The following DPYSL2 variants were observed in gnomAD, a reference collection of about 807,000 sequenced individuals.
DPYSL2 encodes dihydropyrimidinase like 2.
DPYSL2 carries 13 observed loss-of-function variants against 69.9 expected under a neutral mutation model. The observed-to-expected ratio is 0.19, with a 90% CI of 0.12 to 0.30. DPYSL2 has a LOEUF of 0.30. DPYSL2 is among the 10% of genes least tolerant of loss of function. The pLI is 1.00. For missense variants in DPYSL2, 587 were observed against 918.9 expected, an observed-to-expected ratio of 0.64 and a Z score of 4.67; for synonymous variants, 326 against 359.1, an observed-to-expected ratio of 0.91 and a Z score of 1.04.
rs1229778181 is a variant in DPYSL2, at chr8:26,619,701, G to A, written c.629-4442G>A. The A allele has an allele frequency of 6.6e-6, 1 of 152,250 alleles. No homozygotes were observed. Among genetic ancestry groups the A allele is most frequent in the Non-Finnish European group, 1.5e-5 (1 of 68,088 alleles). 9.4% of individuals were successfully genotyped at this position (152,250 alleles called of 1,614,324 possible). On this transcript the variant is annotated intron_variant, in intron 3 of 13. Coordinates refer to ENST00000521913, the MANE Select transcript of DPYSL2 (RefSeq NM_001197293.3). The surrounding 1 kb of genome is among the most constrained non-coding windows in gnomAD (Gnocchi z 4.8). ...TGCAGCGTCAGAAACTCTGGGGTAA[G>A]GTCTGGGAACCTGTGTTTTATTTTT...
intron 3 of DPYSL2, among the ~76,000 whole-genome samples, chr8:26,606,194 T>C (rs1802103738): frequency 6.6e-6 from 1 of 152,202 alleles, no homozygotes; most frequent in African/African-American, 2.4e-5. Context: ...CATTTCACAC[T>C]CATGGTAAAA....
chr8:26,622,898 G>A (rs1336295625), intron 3 of DPYSL2, among the ~76,000 whole-genome samples: 1 of 152,202 alleles, frequency 6.6e-6, no homozygotes, highest in Non-Finnish European at 1.5e-5. Flanking sequence ...TCTTAGCTCA[G>A]AACTGCTTAC....
chr8:26,636,010 A>G (rs967389778), intron 8 of DPYSL2, among the ~76,000 whole-genome samples: 2 of 152,040 alleles, frequency 1.3e-5, no homozygotes, highest in African/African-American at 2.4e-5. Context: ...TGACTGAGTC[A>G]TCTTGTCCCA....
intron 3 of DPYSL2, among the ~76,000 whole-genome samples, chr8:26,618,899 A>G (rs144222402): frequency 0.06 from 9,076 of 152,080 alleles, 295 homozygotes; most frequent in East Asian, 0.09. Flanking sequence ...CGGAGGTTGC[A>G]GTGAGCTGAG....
rs1302073558 is a variant in DPYSL2 at position 26,580,813 on chromosome 8, A to G, written c.355-1156A>G. On this transcript the variant is annotated intron_variant, in intron 1 of 13. Transcript: ENST00000521913. This position sits in a 1 kb window ranked among gnomAD's most constrained non-coding sequence, Gnocchi z 4.1. The stretch of plus-strand genomic sequence containing the variant: ...AGGGCAATGTATGGTTCAGCTTGCC[A>G]GGTTTAAGCCCATTCTGTATAATAC... Among the ~76,000 whole-genome samples, 1 of 152,218 alleles carries G rather than the reference A, an allele frequency of 6.6e-6. No individual in the cohort carries two copies. The highest frequency in any genetic ancestry group is 1.9e-4 in the East Asian group (1 of 5,198).
At chr8:26,515,014 G>T (rs1033004424) in intron 1 of DPYSL2, among the ~76,000 whole-genome samples, 1 of 152,218 alleles carries the variant, frequency 6.6e-6, no homozygotes, top group Admixed American at 6.5e-5. Context: ...AAACCCTCCC[G>T]GGCGGCTTCC....
intron 3 of DPYSL2, among the ~76,000 whole-genome samples, chr8:26,611,460 T>C (rs890581287): frequency 2.6e-5 from 4 of 152,164 alleles, no homozygotes; most frequent in Non-Finnish European, 4.4e-5. Flanking sequence ...AAGTCACTTC[T>C]TGGGACTTTG....
intron 1 of DPYSL2, among the ~76,000 whole-genome samples, chr8:26,525,978 C>T (rs1397696004): frequency 6.6e-6 from 1 of 152,034 alleles, no homozygotes; most frequent in Admixed American, 6.6e-5. Flanking sequence ...TCAGATATTT[C>T]GTTTTATTTC....
chr8:26,553,859 A>G (rs1186816133), intron 1 of DPYSL2, among the ~76,000 whole-genome samples: 1 of 141,032 alleles, frequency 7.1e-6, no homozygotes, highest in Non-Finnish European at 1.5e-5. Context: ...CAAGTGTTCC[A>G]TTTTCTCTGC....
intron 1 of DPYSL2, among the ~76,000 whole-genome samples, chr8:26,581,119 CT>C (rs1474217862): frequency 2.0e-5 from 3 of 152,096 alleles, no homozygotes; most frequent in African/African-American, 7.2e-5. Context: ...TTTTTGTAGT[CT>C]TTTTGCTATA....
Position 26,614,022 on chromosome 8 carries a change from C to T in DPYSL2, c.629-10121C>T, listed in dbSNP as rs965295291. Among the ~76,000 whole-genome samples, 45 of 151,978 alleles carry T rather than the reference C, an allele frequency of 3.0e-4. No homozygotes were observed. The highest frequency in any genetic ancestry group is 9.9e-4 in the African/African-American group (41 of 41,358). On this transcript the variant is annotated intron_variant, in intron 3 of 13. Transcript: ENST00000521913. The surrounding 1 kb of genome is among the most constrained non-coding windows in gnomAD (Gnocchi z 4.9). Reference sequence around the variant, plus strand: ...GCACGTGCCTGTGGTCCCAGCTACTCGGGAGGTTGAGGTGGGAGGATCGCT... The same window carrying T: ...GCACGTGCCTGTGGTCCCAGCTACTTGGGAGGTTGAGGTGGGAGGATCGCT...
chr8:26,628,099 G>A (rs892175911), intron 7 of DPYSL2, among the ~76,000 whole-genome samples, 159 bp downstream of exon 7: 4 of 152,218 alleles, frequency 2.6e-5, no homozygotes, highest in Non-Finnish European at 5.9e-5. Context: ...GTCTGTCTAC[G>A]CAGGCAAAGT....
At position 26,609,445 on chromosome 8, in the gene DPYSL2, A is replaced by G. The variant is rs553055969; in HGVS notation, c.629-14698A>G. Among the ~76,000 whole-genome samples, 37 of 152,378 alleles carry G rather than the reference A, an allele frequency of 2.4e-4. No individual in the cohort carries two copies. Among genetic ancestry groups the G allele is most frequent in the Admixed American group, 6.5e-4 (10 of 15,306 alleles). On this transcript the variant is annotated intron_variant, in intron 3 of 13. Transcript: ENST00000521913. This position sits in a 1 kb window ranked among gnomAD's most constrained non-coding sequence, Gnocchi z 6.5. Reference sequence around the variant, plus strand: ...ATTCCCTTCCCAGCAAGGAACCAACAGGAAGGAAAACGAAGTCAAACCCAG... The same window carrying G: ...ATTCCCTTCCCAGCAAGGAACCAACGGGAAGGAAAACGAAGTCAAACCCAG...
At chr8:26,529,956 C>G (rs1409400180) in intron 1 of DPYSL2, among the ~76,000 whole-genome samples, 2 of 150,996 alleles carry the variant, frequency 1.3e-5, no homozygotes, top group East Asian at 3.9e-4. Flanking sequence ...ACTAATAATA[C>G]AAAAAACTAG....
At chr8:26,523,307 A>T (rs13254506) in intron 1 of DPYSL2, among the ~76,000 whole-genome samples, 107,680 of 152,068 alleles carry the variant, frequency 0.71, 41,021 homozygotes, top group East Asian at 0.9. Context: ...AATTAAAAAA[A>T]TTATATTGTA....
rs919137760 is a variant in DPYSL2 at position 26,617,516 on chromosome 8, GA to G, written c.629-6618del. Among the ~76,000 whole-genome samples the G allele has an allele frequency of 1.3e-5, 2 of 151,030 alleles. No homozygotes were observed. The highest frequency in any genetic ancestry group is 6.6e-5 in the Admixed American group (1 of 15,170). Reference sequence around the variant, plus strand: ...TCTCAACAAAAGAAAAAGGATAAAAGAAAAAAAAATTAAAAGTAGGGTCATT... The same window carrying G: ...TCTCAACAAAAGAAAAAGGATAAAAGAAAAAAAATTAAAAGTAGGGTCATT... On this transcript the variant is annotated intron_variant, in intron 3 of 13. Coordinates refer to ENST00000521913, the MANE Select transcript of DPYSL2 (RefSeq NM_001197293.3). This position sits in a 1 kb window ranked among gnomAD's most constrained non-coding sequence, Gnocchi z 4.7.
intron 1 of DPYSL2, among the ~76,000 whole-genome samples, chr8:26,529,679 G>A (rs1267360476): frequency 6.6e-6 from 1 of 151,410 alleles, no homozygotes; most frequent in Non-Finnish European, 1.5e-5. Context: ...AAAACCAATG[G>A]AGTCCAAAAC....
rs896176292 is a variant in DPYSL2, at chr8:26,626,993, G to A, written c.856-222G>A. ...CAAGAGCTTCTCACTCCCGGTCCAC[G>A]TCCTGCTAAGTTGTACTGCCTCTGT... is the stretch of plus-strand genomic sequence containing the variant. On this transcript the variant is annotated intron_variant, in intron 5 of 13. Transcript: ENST00000521913. This position sits in a 1 kb window ranked among gnomAD's most constrained non-coding sequence, Gnocchi z 4.3. Among the ~76,000 whole-genome samples, 2 of 152,184 alleles carry A rather than the reference G, an allele frequency of 1.3e-5. No homozygotes were observed. Among genetic ancestry groups the A allele is most frequent in the African/African-American group, 2.4e-5 (1 of 41,434 alleles).
At position 26,655,667 on chromosome 8, in the gene DPYSL2, G is replaced by A. The variant is rs1436570839; in HGVS notation, c.1995G>A (p.Ala665=). 4.4e-6 allele frequency: 7 copies of A among 1,608,616 alleles called. No homozygotes were observed. The Admixed American group carries it at 6.7e-5, about 15-fold the overall frequency. The change falls in exon 14 of 14, where the codon GCG becomes GCA. Residue 665 remains alanine (A), a synonymous_variant. Transcript: ENST00000521913. ...IPRRTTQRIV[A]PPGGRANITS... Reference sequence around the variant, plus strand: ...GCCGCACCACCCAGCGTATCGTGGCGCCCCCCGGTGGCCGTGCCAACATCA... The same window carrying A: ...GCCGCACCACCCAGCGTATCGTGGCACCCCCCGGTGGCCGTGCCAACATCA...
Sources: allele counts gnomAD v4.1 joint callset (sites outside exome capture counted in the v4.1 genomes callset), GRCh38; gene constraint gnomAD v4.1.1; non-coding constraint Gnocchi (gnomAD v3.1); transcripts MANE v1.5; gene names NCBI Gene and HGNC (gene_info 2026-07-23, HGNC 2026-07-21).